IL1RAPL2: variants seen among roughly 807,000 people sequenced by gnomAD.
The protein encoded by IL1RAPL2 is X-linked interleukin-1 receptor accessory protein-like 2.
A neutral mutation model predicts 44.1 loss-of-function variants in IL1RAPL2; 3 were observed. The ratio of observed to expected loss-of-function variants is 0.07; its 90% CI spans 0.03 to 0.18. The LOEUF is 0.18. Ranked by LOEUF, IL1RAPL2 falls within the 10% of genes least tolerant of loss-of-function variation. The probability of loss-of-function intolerance (pLI) is 1.00; values close to 1 mark genes in which losing one functional copy is unlikely to be tolerated. For synonymous variants in IL1RAPL2, 181 were observed against 178.8 expected, an observed-to-expected ratio of 1.01 and a Z score of -0.10; for missense variants, 391 against 496.4, an observed-to-expected ratio of 0.79 and a Z score of 2.02.
At chrX:104,648,095 A>G in intron 1 of IL1RAPL2, 3 of 433,726 alleles carry the variant, frequency 6.9e-6, no homozygotes, top group East Asian at 4.3e-5. Context: ...ACAGATTTCC[A>G]TACACATACA....
chrX:105,473,957 G>A (rs1203627190), intron 5 of IL1RAPL2, among the ~76,000 whole-genome samples: 2 of 111,166 alleles, frequency 1.8e-5, no homozygotes, highest in African/African-American at 6.5e-5. Context: ...CATGGTAGTA[G>A]GCAGAATAAT....
chrX:104,585,013 C>T (rs184859665), intron 1 of IL1RAPL2, among the ~76,000 whole-genome samples: 4 of 102,483 alleles, frequency 3.9e-5, no homozygotes, highest in African/African-American at 1.4e-4. Flanking sequence ...AATAAAGAAA[C>T]ATTCAGTTAT....
chrX:104,760,646 A>G (rs969483246), intron 2 of IL1RAPL2, among the ~76,000 whole-genome samples: 5 of 111,668 alleles, frequency 4.5e-5, no homozygotes, highest in South Asian at 3.7e-4. Context: ...TTTTTTTCCT[A>G]TAGCATAGTT....
At chrX:104,920,511 G>A in intron 2 of IL1RAPL2, among the ~76,000 whole-genome samples, 1 of 68,094 alleles carries the variant, frequency 1.5e-5, no homozygotes, top group African/African-American at 5.6e-5. Flanking sequence ...TTATTTAAAA[G>A]TGTGTGGCCC....
At chrX:105,469,150 T>A (rs1189954543) in intron 5 of IL1RAPL2, among the ~76,000 whole-genome samples, 1 of 111,507 alleles carries the variant, frequency 9.0e-6, no homozygotes, top group Non-Finnish European at 1.9e-5. Context: ...TCAGAAATTA[T>A]GTGTTCAGTT....
At chrX:105,377,396 ATG>A (rs1161994471) in intron 5 of IL1RAPL2, among the ~76,000 whole-genome samples, 3 of 99,013 alleles carry the variant, frequency 3.0e-5, no homozygotes, top group African/African-American at 1.1e-4. Context: ...GTGTGTGTGT[ATG>A]TGTGTGTGTG....
chrX:105,428,348 A>G (rs921571431), intron 5 of IL1RAPL2, among the ~76,000 whole-genome samples: 2 of 111,561 alleles, frequency 1.8e-5, no homozygotes, highest in Non-Finnish European at 3.8e-5. Context: ...ACTTATTCTC[A>G]TTTCCAGGTC....
At chrX:105,544,763 C>CTCTT (rs754407159) in intron 6 of IL1RAPL2, among the ~76,000 whole-genome samples, 5 of 110,655 alleles carry the variant, frequency 4.5e-5, no homozygotes, top group Non-Finnish European at 9.5e-5. Context: ...TGTCTCCTTC[C>CTCTT]TCTTTCTTTC....
At chrX:105,277,328 G>A (rs1238150577) in intron 5 of IL1RAPL2, among the ~76,000 whole-genome samples, 1 of 112,310 alleles carries the variant, frequency 8.9e-6, no homozygotes, top group African/African-American at 3.2e-5. Flanking sequence ...ATGACTGACT[G>A]TGCATTTCAT....
At chrX:105,328,375 T>C (rs758606593) in intron 5 of IL1RAPL2, among the ~76,000 whole-genome samples, 8 of 112,088 alleles carry the variant, frequency 7.1e-5, no homozygotes, top group Non-Finnish European at 1.5e-4. Flanking sequence ...GATTCCATTT[T>C]AGTTAAGGGT....
intron 5 of IL1RAPL2, among the ~76,000 whole-genome samples, chrX:105,467,672 A>G (rs951870648): frequency 9.0e-6 from 1 of 111,490 alleles, no homozygotes; most frequent in African/African-American, 3.3e-5. Flanking sequence ...TCTGATTTCC[A>G]TCCCAAATTT....
chrX:105,595,961 G>A (rs1046155547), intron 6 of IL1RAPL2, among the ~76,000 whole-genome samples: 3 of 110,977 alleles, frequency 2.7e-5, no homozygotes, highest in African/African-American at 9.8e-5. Context: ...TAGTCTTTCC[G>A]ATCCTTTTTC....
At chrX:104,646,331 C>CAAAA (rs572432274) in intron 1 of IL1RAPL2, among the ~76,000 whole-genome samples, 1 of 68,994 alleles carries the variant, frequency 1.4e-5, no homozygotes, top group African/African-American at 4.4e-5. Context: ...GCTGGGGATG[C>CAAAA]AAAAAAAAAA....
intron 2 of IL1RAPL2, among the ~76,000 whole-genome samples, chrX:104,856,325 A>C (rs2147645035): frequency 8.9e-6 from 1 of 112,318 alleles, no homozygotes; most frequent in Non-Finnish European, 1.9e-5. Context: ...TAAAGCCCAA[A>C]GCCTTCTAAA....
chrX:105,098,760 G>C (rs1351305075), intron 2 of IL1RAPL2, among the ~76,000 whole-genome samples: 1 of 111,592 alleles, frequency 9.0e-6, no homozygotes, highest in African/African-American at 3.3e-5. Flanking sequence ...GTTTGATTTG[G>C]GAAGTTGTCC....
chrX:105,753,952 A>G (rs1279250218), intron 9 of IL1RAPL2, among the ~76,000 whole-genome samples: 3 of 111,992 alleles, frequency 2.7e-5, no homozygotes, highest in African/African-American at 9.7e-5. Flanking sequence ...GGGTATCTAC[A>G]GCACATCATA....
chrX:105,681,814 A>C (rs2037928257), intron 6 of IL1RAPL2, among the ~76,000 whole-genome samples: 1 of 111,962 alleles, frequency 8.9e-6, no homozygotes, highest in East Asian at 2.8e-4. Context: ...TTGCTCCATA[A>C]GATCTTGTAT....
intron 2 of IL1RAPL2, among the ~76,000 whole-genome samples, chrX:104,970,369 A>G (rs2030209478): frequency 8.9e-6 from 1 of 112,031 alleles, no homozygotes; most frequent in South Asian, 3.7e-4. Context: ...ATTCAAGGGC[A>G]AGCAAGTGGT....
At chrX:105,620,671 T>A (rs1055053137) in intron 6 of IL1RAPL2, among the ~76,000 whole-genome samples, 1 of 108,806 alleles carries the variant, frequency 9.2e-6, no homozygotes, top group Non-Finnish European at 1.9e-5. Context: ...GGAAAAAAAA[T>A]TCCCCTAGAA....
Sources: gnomAD v4.1 joint callset for allele counts (sites outside exome capture counted in the v4.1 genomes callset) on GRCh38, gnomAD v4.1.1 for gene constraint, MANE v1.5 for transcripts, NCBI Gene and HGNC (gene_info 2026-07-23, HGNC 2026-07-21) for gene names.